The following MRPS35 variants were observed in gnomAD, a reference collection of about 807,000 sequenced individuals.
The protein encoded by MRPS35 is small ribosomal subunit protein mS35.
Under a neutral mutation model 32.7 loss-of-function variants are expected in MRPS35, and 29 were observed. The observed-to-expected ratio is 0.89, with a 90% confidence interval of 0.66 to 1.21. MRPS35 has a LOEUF of 1.21. MRPS35 is among the 50% of genes most tolerant of loss of function. The pLI is 0.00. For synonymous variants in MRPS35, 148 were observed against 139.3 expected, an observed-to-expected ratio of 1.06 and a Z score of -0.44; for missense variants, 373 against 383.8, an observed-to-expected ratio of 0.97 and a Z score of 0.23.
intron 7 of MRPS35, among the ~76,000 whole-genome samples, chr12:27,743,220 C>T (rs2061970553): frequency 6.6e-6 from 1 of 151,898 alleles, no homozygotes; most frequent in Non-Finnish European, 1.5e-5. Context: ...ATATCAAGTG[C>T]ACTTTCATTA....
intron 1 of MRPS35, among the ~76,000 whole-genome samples, chr12:27,712,305 GAGTT>G (rs1264715836): frequency 5.9e-5 from 9 of 152,204 alleles, no homozygotes; most frequent in South Asian, 4.1e-4. Flanking sequence ...AGACGTCAGA[GAGTT>G]AGTTAAGTAA....
chr12:27,723,221 T>A (rs2061884157), intron 4 of MRPS35, among the ~76,000 whole-genome samples: 1 of 152,212 alleles, frequency 6.6e-6, no homozygotes, highest in Non-Finnish European at 1.5e-5. Context: ...CAGGACAAGA[T>A]GAAATCAGCT....
At chr12:27,740,774 A>G (rs902330441) in intron 7 of MRPS35, among the ~76,000 whole-genome samples, 1 of 152,256 alleles carries the variant, frequency 6.6e-6, no homozygotes, top group Non-Finnish European at 1.5e-5. Flanking sequence ...AAGCATAGAC[A>G]TCGCAAAGCC....
At chr12:27,743,047 G>C (rs1226598353) in intron 7 of MRPS35, among the ~76,000 whole-genome samples, 1 of 151,480 alleles carries the variant, frequency 6.6e-6, no homozygotes, top group Non-Finnish European at 1.5e-5. Context: ...TTTTTGTAGA[G>C]GTGAAGTCTT....
intron 7 of MRPS35, among the ~76,000 whole-genome samples, chr12:27,741,415 T>C (rs1228134420): frequency 3.9e-5 from 6 of 152,172 alleles, no homozygotes; most frequent in Non-Finnish European, 8.8e-5. Context: ...GTAAAGTGTC[T>C]GGCAAATAGT....
chr12:27,718,582 A>G (rs900267777), intron 3 of MRPS35, among the ~76,000 whole-genome samples: 2 of 152,212 alleles, frequency 1.3e-5, no homozygotes, highest in South Asian at 4.1e-4. Context: ...ATTTGAAGAA[A>G]TCAAATCTCT....
At chr12:27,725,069 A>G (rs751819968) in intron 5 of MRPS35, among the ~76,000 whole-genome samples, 5 of 152,126 alleles carry the variant, frequency 3.3e-5, no homozygotes, top group African/African-American at 4.8e-5. Context: ...GGTGTGAGAC[A>G]CTGCCCAGCC....
chr12:27,751,240 G>A (rs186939912), intron 7 of MRPS35, among the ~76,000 whole-genome samples: 112 of 151,968 alleles, frequency 7.4e-4, no homozygotes, highest in African/African-American at 2.6e-3. Flanking sequence ...GCCTTTTACA[G>A]AATGTAGTTT....
chr12:27,743,827 T>A (rs1346097425), intron 7 of MRPS35, among the ~76,000 whole-genome samples: 1 of 152,146 alleles, frequency 6.6e-6, no homozygotes, highest in Non-Finnish European at 1.5e-5. Flanking sequence ...GTAAGGGCCC[T>A]CCTGGTTTGC....
chr12:27,716,551 A>G (rs1593463536), intron 3 of MRPS35, 93 bp downstream of exon 3: 8 of 1,175,668 alleles, frequency 6.8e-6, no homozygotes, highest in Middle Eastern at 2.0e-4. Flanking sequence ...TTCACCGTTC[A>G]GTGTATAGCA....
At chr12:27,737,485 T>C in intron 6 of MRPS35, 54 bp from the exon 7 acceptor site, 2 of 1,453,650 alleles carry the variant, frequency 1.4e-6, no homozygotes, top group South Asian at 1.2e-5. Flanking sequence ...TTTGCAAATT[T>C]TTCTGTGTAC....
chr12:27,728,609 A>AT (rs1490955060), intron 5 of MRPS35, among the ~76,000 whole-genome samples: 1 of 152,112 alleles, frequency 6.6e-6, no homozygotes, highest in African/African-American at 2.4e-5. Context: ...ACAAAATGGT[A>AT]TTTTTTAAGC....
At chr12:27,712,782 C>T (rs1264844999) in intron 1 of MRPS35, among the ~76,000 whole-genome samples, 9 of 152,122 alleles carry the variant, frequency 5.9e-5, no homozygotes, top group African/African-American at 2.4e-5. Flanking sequence ...TGTGGGAGGT[C>T]GAGGCCTGCG....
chr12:27,720,408 A>G (rs1283132330), intron 4 of MRPS35, among the ~76,000 whole-genome samples: 2 of 151,624 alleles, frequency 1.3e-5, no homozygotes, highest in Admixed American at 1.3e-4. Context: ...AAAAAAAAAA[A>G]AGAAAACAAA....
At chr12:27,732,987 G>GAT (rs56932909) in intron 5 of MRPS35, among the ~76,000 whole-genome samples, 28 of 120,624 alleles carry the variant, frequency 2.3e-4, no homozygotes, top group African/African-American at 5.6e-4. Flanking sequence ...GTCATTTGAA[G>GAT]ATATATATAT....
chr12:27,730,856 C>G (rs1345608092), intron 5 of MRPS35, among the ~76,000 whole-genome samples: 1 of 152,170 alleles, frequency 6.6e-6, no homozygotes, highest in Non-Finnish European at 1.5e-5. Context: ...TATACTTCCT[C>G]CCCTCTTACC....
intron 7 of MRPS35, among the ~76,000 whole-genome samples, chr12:27,741,806 A>G (rs1248117624): frequency 6.6e-6 from 1 of 152,234 alleles, no homozygotes; most frequent in Admixed American, 6.5e-5. Flanking sequence ...TAGAGATCTG[A>G]AATCAAATTT....
At position 27,753,708 on chromosome 12, in the gene MRPS35, G is replaced by T. The variant is rs116895711; in HGVS notation, c.703-1473G>T. Among the ~76,000 whole-genome samples, 579 of 149,350 alleles carry T rather than the reference G, an allele frequency of 3.9e-3. 20 individuals carry two copies. In the East Asian group the frequency reaches 0.096, roughly 25 times the overall value. On this transcript the variant is annotated intron_variant, in intron 7 of 7. Transcript: ENST00000081029. Reference sequence around the variant, plus strand: ...CCTGTAGCTCAGAATATTATTATGTGTTAATTTGGAAAAAAAATGTGACTA... The same window carrying T: ...CCTGTAGCTCAGAATATTATTATGTTTTAATTTGGAAAAAAAATGTGACTA...
chr12:27,725,102 A>G (rs2061894421), intron 5 of MRPS35, among the ~76,000 whole-genome samples: 1 of 152,084 alleles, frequency 6.6e-6, no homozygotes, highest in Non-Finnish European at 1.5e-5. Context: ...TTTTTTGTAG[A>G]TACAGGATCT....
Sources: gnomAD v4.1 joint callset for allele counts (sites outside exome capture counted in the v4.1 genomes callset) on GRCh38, gnomAD v4.1.1 for gene constraint, MANE v1.5 for transcripts, NCBI Gene and HGNC (gene_info 2026-07-23, HGNC 2026-07-21) for gene names.